CPA4: variants seen among roughly 807,000 people sequenced by gnomAD.
CPA4 encodes carboxypeptidase A3.
Under a neutral mutation model 54.7 loss-of-function variants are expected in CPA4, and 49 were observed. The ratio of observed to expected loss-of-function variants is 0.90; its 90% confidence interval spans 0.71 to 1.14. The LOEUF is 1.14. CPA4 is among the 50% of genes most tolerant of loss of function. CPA4 has a pLI of 0.00. For missense variants in CPA4, 487 were observed against 525.1 expected, an observed-to-expected ratio of 0.93 and a Z score of 0.71; for synonymous variants, 215 against 206.8, an observed-to-expected ratio of 1.04 and a Z score of -0.34.
chr7:130,304,624 C>A, intron 5 of CPA4, 45 bp downstream of exon 5: 1 of 1,141,560 alleles, frequency 8.8e-7, no homozygotes, highest in Non-Finnish European at 1.3e-6. Flanking sequence ...TCCTCATGCC[C>A]AGGACCCAGC....
At position 130,310,811 on chromosome 7, in the gene CPA4, GCT is replaced by G. The variant is rs1460529405; in HGVS notation, c.820_821del (p.Ser274ArgfsTer75). On this transcript the variant is annotated frameshift_variant, in exon 9 of 11. Coordinates refer to ENST00000222482, the MANE Select transcript of CPA4 (RefSeq NM_016352.4). LOFTEE classifies it high-confidence loss of function. This position sits in a 1 kb window ranked among gnomAD's most constrained non-coding sequence, Gnocchi z 4.3. ...GGAAAGGGAGCCAGCGACAACCCTT[GCT>G]CCGAAGTGTACCATGGACCCCACGC... 1 of 1,613,646 alleles carries G rather than the reference GCT, an allele frequency of 6.2e-7. No individual in the cohort carries two copies. The highest frequency in any genetic ancestry group is 2.2e-5 in the East Asian group (1 of 44,900).
chr7:130,300,773 C>T (rs1310324197), intron 3 of CPA4, 43 bp from the exon 4 acceptor site: 18 of 1,371,578 alleles, frequency 1.3e-5, no homozygotes, highest in African/African-American at 2.8e-5. Context: ...CATAAACCTG[C>T]GTCTGCAATG....
chr7:130,304,640 A>T, intron 5 of CPA4, 61 bp downstream of exon 5: 1 of 1,006,808 alleles, frequency 9.9e-7, no homozygotes, highest in Non-Finnish European at 1.6e-6. Flanking sequence ...CCAGCCTCAG[A>T]CCTCTGAAAA....
intron 10 of CPA4, among the ~76,000 whole-genome samples, chr7:130,320,243 T>C (rs1794068697): frequency 6.6e-6 from 1 of 152,234 alleles, no homozygotes; most frequent in South Asian, 2.1e-4. Flanking sequence ...ACAGCGTTAA[T>C]AGTGTGTTCC....
In CPA4 at chr7:130,293,205, G is replaced by A. The variant is rs1162447207; in HGVS notation, c.25G>A (p.Ala9Thr). Residue 9 changes from alanine to threonine, a missense_variant, in exon 1 of 11, where the codon GCC (alanine) becomes ACC (threonine). Ala to Thr is a moderately conservative substitution (Grantham distance 58). Coordinates refer to ENST00000222482, the MANE Select transcript of CPA4 (RefSeq NM_016352.4). ...CATGAGGTGGATACTGTTCATTGGG[G>A]CCCTTATTGGGTCCAGCATCTGTGG... MRWILFIG[A>T]LIGSSICGQE... 1.9e-6 allele frequency: 3 copies of A among 1,612,200 alleles called. No homozygotes were observed. The African/African-American group carries it at 4.0e-5, about 22-fold the overall frequency.
At position 130,322,841 on chromosome 7, in the gene CPA4, C is replaced by A; in HGVS notation, c.*165C>A. On this transcript the variant is annotated 3_prime_UTR_variant, in exon 11 of 11. Transcript: ENST00000222482. ...AGCTCCCTGGAGTCGTGTGTCCTGG[C>A]AGTGTCCCTGCAAGAACTGGTTCTG... 4.8e-6 allele frequency: 3 copies of A among 629,508 alleles called. No individual in the cohort carries two copies. Among genetic ancestry groups the A allele is most frequent in the Middle Eastern group, 4.5e-4 (1 of 2,216 alleles). 39.0% of individuals were successfully genotyped at this position (629,508 alleles called of 1,614,324 possible). A position where few individuals can be genotyped will look rare whatever the true frequency, so the allele number is the denominator to read the frequency against.
At chr7:130,319,242 T>C (rs1794045043) in intron 10 of CPA4, among the ~76,000 whole-genome samples, 1 of 152,186 alleles carries the variant, frequency 6.6e-6, no homozygotes, top group South Asian at 2.1e-4. Context: ...AACAAGTTCT[T>C]TGGGTTCATC....
At chr7:130,320,836 T>C (rs1794082431) in intron 10 of CPA4, among the ~76,000 whole-genome samples, 1 of 152,228 alleles carries the variant, frequency 6.6e-6, no homozygotes, top group Admixed American at 6.5e-5. Context: ...GTGTGAAGTG[T>C]CTGATATAAT....
chr7:130,295,077 A>G lies in CPA4; in HGVS notation c.68+1829A>G, dbSNP rs139810467. ...GCCAGGATGCCTAGAGGCACCAGGC[A>G]GGCAGAGAACAGGAACCAGTTGCAG... On this transcript the variant is annotated intron_variant, in intron 1 of 10. Transcript: ENST00000222482. Among the ~76,000 whole-genome samples the G allele has an allele frequency of 5.1e-3, 774 of 152,380 alleles. 6 individuals carry two copies. The highest frequency in any genetic ancestry group is 0.018 in the African/African-American group (735 of 41,604).
At chr7:130,294,133 T>G (rs1793614428) in intron 1 of CPA4, among the ~76,000 whole-genome samples, 1 of 152,132 alleles carries the variant, frequency 6.6e-6, no homozygotes, top group Non-Finnish European at 1.5e-5. Context: ...TTCTTCCACT[T>G]AAACATGAAA....
At chr7:130,309,300 G>A (rs1277667663) in intron 8 of CPA4, among the ~76,000 whole-genome samples, 1 of 151,618 alleles carries the variant, frequency 6.6e-6, no homozygotes, top group Non-Finnish European at 1.5e-5. Context: ...CATACAAAAC[G>A]GGGAACCTTC....
intron 3 of CPA4, 89 bp from the exon 4 acceptor site, chr7:130,300,727 T>G (rs1793726863): frequency 2.4e-6 from 2 of 842,262 alleles, no homozygotes; most frequent in South Asian, 2.9e-5. Flanking sequence ...GGCCGCCATC[T>G]TGGCTGACCC....
In CPA4 at chr7:130,300,876, A is replaced by G; in HGVS notation, c.346A>G (p.Asn116Asp). The change falls in exon 4 of 11, where the codon AAT becomes GAT. Residue 116 changes from asparagine (N) to aspartate (D), a missense_variant. Asn to Asp is a conservative substitution (Grantham distance 23). Transcript: ENST00000222482. ...QHNEGQERSS[N>D]NFNYGAYHSL... ...CAATGAAGGGCAAGAACGGAGCAGT[A>G]ATAACTTCAACTACGGGGCTTACCA... The G allele has an allele frequency of 6.2e-7, 1 of 1,613,880 alleles. No homozygotes were observed. The highest frequency in any genetic ancestry group is 1.3e-5 in the African/African-American group (1 of 75,058).
chr7:130,316,449 T>C (rs537693629), intron 10 of CPA4, among the ~76,000 whole-genome samples: 1 of 152,322 alleles, frequency 6.6e-6, no homozygotes, highest in East Asian at 1.9e-4. Context: ...TCTACAACTC[T>C]TTTAGGTGGG....
chr7:130,295,302 GCA>G (rs1458949689), intron 1 of CPA4, among the ~76,000 whole-genome samples: 1 of 152,234 alleles, frequency 6.6e-6, no homozygotes, highest in Non-Finnish European at 1.5e-5. Context: ...ACTGTCCAAA[GCA>G]CAGACTCCTG....
chr7:130,315,796 G>C (rs1584754092), intron 10 of CPA4, among the ~76,000 whole-genome samples: 1 of 152,176 alleles, frequency 6.6e-6, no homozygotes, highest in Non-Finnish European at 1.5e-5. Flanking sequence ...AAAGAAGGGG[G>C]TTTAGTGTTG....
intron 3 of CPA4, among the ~76,000 whole-genome samples, chr7:130,300,404 C>T (rs1203697892): frequency 2.7e-5 from 4 of 147,186 alleles, no homozygotes; most frequent in East Asian, 2.0e-4. Context: ...GGTGCAATCT[C>T]GGCTCACTGC....
intron 10 of CPA4, among the ~76,000 whole-genome samples, chr7:130,314,841 G>A (rs2117158525): frequency 6.6e-6 from 1 of 152,262 alleles, no homozygotes; most frequent in Middle Eastern, 3.4e-3. Flanking sequence ...AGGAAGCGAC[G>A]AAAGTTTGGG....
In CPA4 at chr7:130,299,408, G is replaced by A. The variant is rs529175449; in HGVS notation, c.285+4G>A. 3.1e-6 allele frequency: 5 copies of A among 1,613,974 alleles called. No individual in the cohort carries two copies. Among genetic ancestry groups the A allele is most frequent in the East Asian group, 2.2e-5 (1 of 44,890 alleles). The stretch of plus-strand genomic sequence containing the variant: ...AGTGACAATTGAGGACCTGCAGGTA[G>A]GTAGACTATGCCTCCTGCCTCCTGC... On this transcript the variant is annotated splice_donor_region_variant and intron_variant, in intron 3 of 10. Transcript: ENST00000222482.
Sources: gnomAD v4.1 joint callset for allele counts (sites outside exome capture counted in the v4.1 genomes callset) on GRCh38, gnomAD v4.1.1 for gene constraint, Gnocchi (gnomAD v3.1) non-coding constraint, MANE v1.5 for transcripts, NCBI Gene and HGNC (gene_info 2026-07-23, HGNC 2026-07-21) for gene names.